Variants in NCAM2 observed in about 807,000 individuals in gnomAD.
NCAM2 encodes neural cell adhesion molecule 2.
A neutral mutation model predicts 98.1 loss-of-function variants in NCAM2; 30 were observed. That is an observed-to-expected ratio of 0.31 (90% CI 0.23 to 0.41). The LOEUF (loss-of-function observed/expected upper bound fraction) is 0.41, where lower values mean the gene tolerates loss of function less well. Among genes scored for constraint, NCAM2 ranks in the 10% least tolerant of loss-of-function variants. NCAM2 has a pLI of 1.00. For missense variants in NCAM2, 867 were observed against 1,005.8 expected, an observed-to-expected ratio of 0.86 and a Z score of 1.87; for synonymous variants, 368 against 342.4, an observed-to-expected ratio of 1.07 and a Z score of -0.83.
Position 21,374,499 on chromosome 21 carries a change from T to C in NCAM2, c.1195+486T>C, listed in dbSNP as rs1297595693. Among the ~76,000 whole-genome samples the C allele has an allele frequency of 2.0e-5, 3 of 151,874 alleles. No individual in the cohort carries two copies. In the Admixed American group the frequency reaches 2.0e-4, roughly 10 times the overall value. On this transcript the variant is annotated intron_variant, in intron 9 of 17. Coordinates refer to ENST00000400546, the MANE Select transcript of NCAM2 (RefSeq NM_004540.5). ...CTGTCTTATCAAAATAGTGTTTATT[T>C]TCTGTCTGGAAGAAAGGAGCATGAC...
At chr21:21,273,062 A>G (rs1455993967) in intron 1 of NCAM2, among the ~76,000 whole-genome samples, 1 of 152,026 alleles carries the variant, frequency 6.6e-6, no homozygotes, top group Non-Finnish European at 1.5e-5. Context: ...GATGGTGGGC[A>G]TATAGAAGCT....
At chr21:21,013,851 A>G (rs1241621062) in intron 1 of NCAM2, among the ~76,000 whole-genome samples, 2 of 152,192 alleles carry the variant, frequency 1.3e-5, no homozygotes, top group Admixed American at 1.3e-4. Context: ...TCTCCATAAC[A>G]TAAAAGTGCA....
At chr21:21,518,077 G>A (rs2146380271) in intron 16 of NCAM2, among the ~76,000 whole-genome samples, 1 of 152,196 alleles carries the variant, frequency 6.6e-6, no homozygotes, top group South Asian at 2.1e-4. Context: ...GTAAAGAAAT[G>A]CATGCAATAT....
intron 1 of NCAM2, among the ~76,000 whole-genome samples, chr21:21,250,989 C>G (rs1226812791): frequency 6.6e-6 from 1 of 152,100 alleles, no homozygotes; most frequent in African/African-American, 2.4e-5. Flanking sequence ...AGTGCAGAAC[C>G]AGATGAAACT....
chr21:21,257,220 A>C (rs894366869), intron 1 of NCAM2, among the ~76,000 whole-genome samples: 5 of 152,242 alleles, frequency 3.3e-5, no homozygotes, highest in African/African-American at 1.2e-4. Flanking sequence ...AGATGGATTA[A>C]ATTGGAATAC....
chr21:21,086,911 T>A (rs967466555), intron 1 of NCAM2, among the ~76,000 whole-genome samples: 4 of 152,004 alleles, frequency 2.6e-5, no homozygotes, highest in African/African-American at 9.7e-5. Context: ...TTGCTAGGAT[T>A]TTTTCAAATT....
At chr21:21,253,855 G>C (rs1440951225) in intron 1 of NCAM2, among the ~76,000 whole-genome samples, 5 of 152,174 alleles carry the variant, frequency 3.3e-5, no homozygotes, top group African/African-American at 1.2e-4. Flanking sequence ...AACGAGCCTA[G>C]ATTTCAGACA....
intron 12 of NCAM2, among the ~76,000 whole-genome samples, chr21:21,435,070 G>T (rs2077438789): frequency 6.6e-6 from 1 of 152,128 alleles, no homozygotes; most frequent in Non-Finnish European, 1.5e-5. Flanking sequence ...TCATCATGGG[G>T]TGCTGCTTAG....
In NCAM2 at chr21:20,998,439, G is replaced by A. The variant is rs1366798343; in HGVS notation, c.-125G>A. On this transcript the variant is annotated 5_prime_UTR_variant, in exon 1 of 18. Transcript: ENST00000400546. ...GCGAGGAGGAGCGCGCGGGCTGCGG[G>A]CGGCTGGGGCACCGCGGGAGCGGCG... is the stretch of plus-strand genomic sequence containing the variant. The A allele has an allele frequency of 6.1e-6, 5 of 815,620 alleles. No homozygotes were observed. Among genetic ancestry groups the A allele is most frequent in the Non-Finnish European group, 9.5e-6 (5 of 528,074 alleles). The allele number at this position is 815,620 out of a possible 1,614,324, so 50.5% of individuals were successfully genotyped here.
At chr21:21,163,309 T>C (rs970314638) in intron 1 of NCAM2, among the ~76,000 whole-genome samples, 1 of 152,122 alleles carries the variant, frequency 6.6e-6, no homozygotes, top group Non-Finnish European at 1.5e-5. Flanking sequence ...AAAGGCAGTT[T>C]ACTGAAAGAA....
At chr21:21,001,703 T>TA in intron 1 of NCAM2, among the ~76,000 whole-genome samples, 1 of 152,352 alleles carries the variant, frequency 6.6e-6, no homozygotes, top group East Asian at 1.9e-4. Context: ...GAAGCACTGT[T>TA]ATACTAAAAC....
chr21:21,214,022 A>G (rs563939184), intron 1 of NCAM2, among the ~76,000 whole-genome samples: 32 of 152,272 alleles, frequency 2.1e-4, no homozygotes, highest in African/African-American at 7.0e-4. Context: ...CAGTACCTGA[A>G]CACCAACTTC....
At chr21:21,459,443 A>G (rs531467086) in intron 12 of NCAM2, among the ~76,000 whole-genome samples, 22 of 148,946 alleles carry the variant, frequency 1.5e-4, no homozygotes, top group African/African-American at 5.1e-4. Context: ...CATATGCCAT[A>G]TTTATAATAT....
At chr21:21,026,126 A>G (rs560638649) in intron 1 of NCAM2, among the ~76,000 whole-genome samples, 1 of 152,258 alleles carries the variant, frequency 6.6e-6, no homozygotes, top group African/African-American at 2.4e-5. Context: ...AGGTGTGATG[A>G]TGGTGGTGAA....
At chr21:21,239,014 A>G (rs2070956675) in intron 1 of NCAM2, among the ~76,000 whole-genome samples, 1 of 152,164 alleles carries the variant, frequency 6.6e-6, no homozygotes, top group Non-Finnish European at 1.5e-5. Context: ...TCAGATAAGA[A>G]TATTTCAAAA....
At chr21:21,137,651 G>T (rs2067086374) in intron 1 of NCAM2, among the ~76,000 whole-genome samples, 1 of 152,088 alleles carries the variant, frequency 6.6e-6, no homozygotes, top group South Asian at 2.1e-4. Flanking sequence ...CCAGTTACTT[G>T]GGAGGCTAAG....
intron 9 of NCAM2, among the ~76,000 whole-genome samples, chr21:21,390,202 A>G (rs1157591584): frequency 6.6e-6 from 1 of 152,084 alleles, no homozygotes; most frequent in African/African-American, 2.4e-5. Flanking sequence ...CTGTAAATAT[A>G]TTGGCTTGCA....
chr21:21,235,841 A>C (rs1192641367), intron 1 of NCAM2, among the ~76,000 whole-genome samples: 1 of 152,016 alleles, frequency 6.6e-6, no homozygotes, highest in Non-Finnish European at 1.5e-5. Flanking sequence ...TACTGAAATC[A>C]ATCAAGGCCC....
chr21:21,423,738 TCA>T (rs2145982026), intron 11 of NCAM2, among the ~76,000 whole-genome samples: 1 of 152,282 alleles, frequency 6.6e-6, no homozygotes, highest in East Asian at 1.9e-4. Flanking sequence ...CAGTTTTGAC[TCA>T]TTTTTTAACC....
Sources: allele counts gnomAD v4.1 joint callset (sites outside exome capture counted in the v4.1 genomes callset), GRCh38; gene constraint gnomAD v4.1.1; transcripts MANE v1.5; gene names NCBI Gene and HGNC (gene_info 2026-07-23, HGNC 2026-07-21).